PRKDC: variants seen among roughly 807,000 people sequenced by gnomAD.
PRKDC encodes DNA-dependent protein kinase catalytic subunit.
A neutral mutation model predicts 486.9 loss-of-function variants in PRKDC; 82 were observed. That is an observed-to-expected ratio of 0.17 (90% CI 0.14 to 0.20). The LOEUF is 0.20. Among genes scored for constraint, PRKDC ranks in the 10% least tolerant of loss-of-function variants. PRKDC has a pLI of 1.00. For missense variants in PRKDC, 4,504 were observed against 5,038.2 expected, an observed-to-expected ratio of 0.89 and a Z score of 3.21; for synonymous variants, 1,895 against 1,837.0, an observed-to-expected ratio of 1.03 and a Z score of -0.81.
chr8:47,783,459 G>T (rs185714450), intron 78 of PRKDC, among the ~76,000 whole-genome samples: 1 of 151,692 alleles, frequency 6.6e-6, no homozygotes, highest in Admixed American at 6.6e-5. Flanking sequence ...GCGTGATGGC[G>T]TGCGCCTGTA....
Position 47,816,014 on chromosome 8 carries a change from G to T in PRKDC, c.9557+1436C>A, listed in dbSNP as rs535327798. Among the ~76,000 whole-genome samples, 64 of 152,282 alleles carry T rather than the reference G, an allele frequency of 4.2e-4. No individual in the cohort carries two copies. The South Asian group carries it at 0.011, about 27-fold the overall frequency. ...GGATCACTTGAGGTCAGGAGTTCAAGACCAGCTTGGCCAACATGGTGAAAC... is the reference window on the plus strand; with the variant it reads ...GGATCACTTGAGGTCAGGAGTTCAATACCAGCTTGGCCAACATGGTGAAAC... On this transcript the variant is annotated intron_variant, in intron 68 of 85. Coordinates refer to ENST00000314191, the MANE Select transcript of PRKDC (RefSeq NM_006904.7).
At chr8:47,888,905 C>A in intron 33 of PRKDC, 109 bp downstream of exon 33, 1 of 1,190,188 alleles carries the variant, frequency 8.4e-7, no homozygotes, top group South Asian at 1.5e-5. Context: ...AAACATCCCA[C>A]TGATATAAGC....
At chr8:47,849,605 G>A in intron 52 of PRKDC, 102 bp from the exon 53 acceptor site, 2 of 1,322,780 alleles carry the variant, frequency 1.5e-6, no homozygotes, top group East Asian at 5.0e-5. Flanking sequence ...CAACAAAGGT[G>A]CTCAATGTTG....
In PRKDC at chr8:47,904,952, G is replaced by C. The variant is rs201873394; in HGVS notation, c.2959C>G (p.Leu987Val). 4 of 1,613,528 alleles carry C rather than the reference G, an allele frequency of 2.5e-6. No homozygotes were observed. Among genetic ancestry groups the C allele is most frequent in the Non-Finnish European group, 3.4e-6 (4 of 1,179,588 alleles). ...DQVTRQLYEP[L>V]VMQLIHWFTN... ...AACCAGTGAATCAGCTGCATAACTA[G>C]TGGCTCATACAGTTGCCTTGTCACC... Residue 987 changes from leucine (L) to valine (V), a missense_variant, in exon 26 of 86, where the codon CTA (leucine) becomes GTA (valine). Around this residue, in one of 6 missense-constraint regions of PRKDC, gnomAD observed 1,969 missense variants for 2,068.9 expected, o/e 0.95. Transcript: ENST00000314191.
At chr8:47,809,071 A>G (rs1464337578) in intron 68 of PRKDC, among the ~76,000 whole-genome samples, 2 of 149,522 alleles carry the variant, frequency 1.3e-5, no homozygotes, top group East Asian at 4.0e-4. Context: ...GAAAAAGAGG[A>G]AAAAAGGAGA....
chr8:47,879,760 G>T, intron 38 of PRKDC, 102 bp from the exon 39 acceptor site: 1 of 953,174 alleles, frequency 1.0e-6, no homozygotes, highest in Non-Finnish European at 1.4e-6. Flanking sequence ...AGCATTATGT[G>T]GAATCAATGA....
chr8:47,840,157 A>G lies in PRKDC; in HGVS notation c.7313T>C (p.Ile2438Thr). Residue 2438 changes from isoleucine (I) to threonine (T), a missense_variant, in exon 55 of 86, where the codon ATA (isoleucine) becomes ACA (threonine). Around this residue, in one of 6 missense-constraint regions of PRKDC, gnomAD observed 1,592 missense variants for 1,724.6 expected, o/e 0.92. Coordinates refer to ENST00000314191, the MANE Select transcript of PRKDC (RefSeq NM_006904.7). ...DDERQKVCLD[I>T]IYKMMPKLKP... ...TAACTTTGGCATCATCTTATAAATTATGTCCAAACATACTTTTTGTCTTTC... is the reference window on the plus strand; with the variant it reads ...TAACTTTGGCATCATCTTATAAATTGTGTCCAAACATACTTTTTGTCTTTC... 6.2e-7 allele frequency: 1 copy of G among 1,600,804 alleles called. No individual in the cohort carries two copies. Among genetic ancestry groups the G allele is most frequent in the Non-Finnish European group, 8.5e-7 (1 of 1,172,466 alleles).
At chr8:47,874,621 T>G (rs1242514582) in intron 40 of PRKDC, among the ~76,000 whole-genome samples, 1 of 150,240 alleles carries the variant, frequency 6.7e-6, no homozygotes, top group African/African-American at 2.5e-5. Flanking sequence ...TACCCAAGTG[T>G]GGTGGTGTGT....
chr8:47,867,261 C>T (rs991863253), intron 40 of PRKDC, among the ~76,000 whole-genome samples: 10 of 151,962 alleles, frequency 6.6e-5, no homozygotes, highest in Non-Finnish European at 2.9e-5. Flanking sequence ...AAGAGAAGGG[C>T]CCGAGATGGA....
intron 44 of PRKDC, among the ~76,000 whole-genome samples, 154 bp from the exon 45 acceptor site, chr8:47,861,125 T>C (rs937381781): frequency 1.3e-5 from 2 of 152,124 alleles, no homozygotes; most frequent in South Asian, 2.1e-4. Flanking sequence ...AAAAAGAGAC[T>C]AGTGAGTGTC....
At chr8:47,922,548 C>A (rs1330446235) in intron 21 of PRKDC, among the ~76,000 whole-genome samples, 1 of 151,452 alleles carries the variant, frequency 6.6e-6, no homozygotes, top group Non-Finnish European at 1.5e-5. Flanking sequence ...TTAAGTGATC[C>A]TCATCCCTCG....
At position 47,909,968 on chromosome 8, in the gene PRKDC, A is replaced by G. The variant is rs188102150; in HGVS notation, c.2934+2442T>C. On this transcript the variant is annotated intron_variant, in intron 25 of 85. Transcript: ENST00000314191. ...AATTTTGCCTTGCCTTGTGACCTTTATTGCCCTCTGAAGCACGTGATCTTT... is the reference window on the plus strand; with the variant it reads ...AATTTTGCCTTGCCTTGTGACCTTTGTTGCCCTCTGAAGCACGTGATCTTT... Among the ~76,000 whole-genome samples the G allele has an allele frequency of 2.8e-3, 431 of 152,106 alleles. 1 individual carries two copies. Among genetic ancestry groups the G allele is most frequent in the Non-Finnish European group, 5.0e-3 (338 of 67,966 alleles).
chr8:47,778,406 G>A (rs1198751577), intron 83 of PRKDC, 53 bp downstream of exon 83: 3 of 1,557,164 alleles, frequency 1.9e-6, no homozygotes, highest in Non-Finnish European at 2.6e-6. Context: ...GTTGTTGAAA[G>A]TCCTATGATG....
chr8:47,878,626 A>G (rs1033189122), intron 39 of PRKDC, among the ~76,000 whole-genome samples: 1 of 152,100 alleles, frequency 6.6e-6, no homozygotes, highest in Non-Finnish European at 1.5e-5. Flanking sequence ...CCCCTTCTCC[A>G]TCTCAGTTTC....
intron 41 of PRKDC, 83 bp from the exon 42 acceptor site, chr8:47,863,660 A>C: frequency 1.6e-5 from 19 of 1,189,798 alleles, no homozygotes; most frequent in Non-Finnish European, 2.1e-5. Context: ...TTAATACTTA[A>C]TATCCTTTAG....
chr8:47,802,634 C>T (rs1314712893), intron 70 of PRKDC, among the ~76,000 whole-genome samples: 4 of 151,228 alleles, frequency 2.6e-5, no homozygotes, highest in Non-Finnish European at 4.4e-5. Context: ...CCTGCCACCA[C>T]GCCCGGCTAG....
Position 47,799,222 on chromosome 8 carries a change from C to T in PRKDC, c.10285G>A (p.Glu3429Lys). 6.2e-7 allele frequency: 1 copy of T among 1,613,910 alleles called. No individual in the cohort carries two copies. The change falls in exon 72 of 86, where the codon GAG (glutamate) becomes AAG (lysine). Residue 3429 changes from glutamate to lysine, a missense_variant. By Grantham distance (56) the Glu-to-Lys change is moderately conservative (BLOSUM62 1). Transcript: ENST00000314191. ...ATTTTCAATTCACCTGATGCATTCT[C>T]TTCCTCCTTGCGCAGCTGTTGGTCA... ...FCDQQLRKEE[E>K]NASVIDSAEL...
chr8:47,831,094 C>T (rs1398267330), intron 60 of PRKDC, among the ~76,000 whole-genome samples: 1 of 152,216 alleles, frequency 6.6e-6, no homozygotes, highest in Non-Finnish European at 1.5e-5. Context: ...AGGTCCTGCC[C>T]TCCGGCTGCC....
intron 40 of PRKDC, among the ~76,000 whole-genome samples, chr8:47,876,588 A>G (rs1456930333): frequency 6.6e-6 from 1 of 151,830 alleles, no homozygotes; most frequent in Non-Finnish European, 1.5e-5. Context: ...TTGAACCCAG[A>G]AGACAGAGGC....
Sources: gnomAD v4.1 joint callset for allele counts (sites outside exome capture counted in the v4.1 genomes callset) on GRCh38, gnomAD v4.1.1 for gene constraint, gnomAD v4.1.1 regional missense constraint, MANE v1.5 for transcripts, NCBI Gene and HGNC (gene_info 2026-07-23, HGNC 2026-07-21) for gene names.